Variants in CACNA2D2 observed in about 807,000 individuals in gnomAD.
The protein encoded by CACNA2D2 is calcium voltage-gated channel auxiliary subunit alpha2delta 2, also known as voltage-dependent calcium channel subunit alpha-2/delta-2.
In CACNA2D2, 48 loss-of-function variants were observed where a neutral mutation model predicts 166.4. The observed-to-expected ratio is 0.29, with a 90% CI of 0.23 to 0.37. The LOEUF is 0.37. Among genes scored for constraint, CACNA2D2 ranks in the 10% least tolerant of loss-of-function variants. The pLI is 1.00. For synonymous variants in CACNA2D2, 561 were observed against 573.7 expected, an observed-to-expected ratio of 0.98 and a Z score of 0.32; for missense variants, 1,122 against 1,433.0, an observed-to-expected ratio of 0.78 and a Z score of 3.50.
chr3:50,425,547 C>A (rs1707768146), intron 3 of CACNA2D2, among the ~76,000 whole-genome samples: 1 of 152,156 alleles, frequency 6.6e-6, no homozygotes, highest in Non-Finnish European at 1.5e-5. Context: ...ATGCACCTAC[C>A]CTCCCCCAGC....
chr3:50,448,781 C>T (rs1708976420), intron 2 of CACNA2D2, among the ~76,000 whole-genome samples: 1 of 152,086 alleles, frequency 6.6e-6, no homozygotes, highest in African/African-American at 2.4e-5. Context: ...GGACTAGAGC[C>T]CTGCACTGGT....
intron 3 of CACNA2D2, among the ~76,000 whole-genome samples, chr3:50,408,126 A>T (rs1231331624): frequency 6.6e-6 from 1 of 152,228 alleles, no homozygotes; most frequent in East Asian, 1.9e-4. Context: ...AGGCTCAGAG[A>T]GGGTGACTCA....
intron 2 of CACNA2D2, among the ~76,000 whole-genome samples, chr3:50,459,648 A>G (rs1411459238): frequency 6.6e-6 from 1 of 152,194 alleles, no homozygotes; most frequent in African/African-American, 2.4e-5. Context: ...GCGAACTCAG[A>G]AAAGCTTCGA....
At chr3:50,377,868 A>G (rs781042351) in intron 15 of CACNA2D2, 65 bp from the exon 16 acceptor site, 1 of 1,514,280 alleles carries the variant, frequency 6.6e-7, no homozygotes, top group Non-Finnish European at 9.1e-7. Context: ...GAGTGTTCAG[A>G]GCAGGGACTG....
chr3:50,487,162 C>A (rs1039638082), intron 1 of CACNA2D2, among the ~76,000 whole-genome samples: 3 of 151,604 alleles, frequency 2.0e-5, no homozygotes, highest in Middle Eastern at 3.4e-3. Context: ...ATGGCCCTGT[C>A]CCCTAGGCTG....
intron 2 of CACNA2D2, among the ~76,000 whole-genome samples, chr3:50,457,227 G>A (rs1709399823): frequency 6.6e-6 from 1 of 152,102 alleles, no homozygotes; most frequent in Non-Finnish European, 1.5e-5. Flanking sequence ...TCCAGCCTGG[G>A]TGACAGAGTA....
intron 1 of CACNA2D2, among the ~76,000 whole-genome samples, chr3:50,484,865 C>T (rs549953905): frequency 2.8e-4 from 42 of 152,350 alleles, no homozygotes; most frequent in Non-Finnish European, 4.9e-4. Context: ...ACGTCCCAGC[C>T]CTCCTGTCCA....
At chr3:50,425,318 T>G (rs776094268) in intron 3 of CACNA2D2, among the ~76,000 whole-genome samples, 12 of 152,182 alleles carry the variant, frequency 7.9e-5, no homozygotes, top group Non-Finnish European at 1.5e-4. Flanking sequence ...CTGGGAACTC[T>G]ACTAAGATGC....
intron 3 of CACNA2D2, among the ~76,000 whole-genome samples, chr3:50,407,044 C>G (rs1706745484): frequency 6.6e-6 from 1 of 151,826 alleles, no homozygotes; most frequent in African/African-American, 2.4e-5. Context: ...GTACCTTGAC[C>G]TAGGTGCTTG....
At chr3:50,438,197 T>C (rs2106908298) in intron 2 of CACNA2D2, among the ~76,000 whole-genome samples, 1 of 152,324 alleles carries the variant, frequency 6.6e-6, no homozygotes, top group Admixed American at 6.5e-5. Flanking sequence ...TTGGAGCCCC[T>C]TGTTCCCAGG....
At chr3:50,370,201 G>A in intron 23 of CACNA2D2, 119 bp downstream of exon 23, 1 of 724,758 alleles carries the variant, frequency 1.4e-6, no homozygotes, top group East Asian at 2.7e-5. Context: ...ATGTATGGGG[G>A]CCGGGGGATG....
chr3:50,373,209 G>T, intron 22 of CACNA2D2: 1 of 799,294 alleles, frequency 1.3e-6, no homozygotes. Context: ...CTGTTTGAAT[G>T]AAAATATTGT....
At position 50,366,619 on chromosome 3, in the gene CACNA2D2, G is replaced by A. The variant is rs1311485158; in HGVS notation, c.2596C>T (p.Pro866Ser). 6.2e-7 allele frequency: 1 copy of A among 1,613,900 alleles called. No individual in the cohort carries two copies. Among genetic ancestry groups the A allele is most frequent in the African/African-American group, 1.3e-5 (1 of 75,030 alleles). Residue 866 changes from proline to serine, a missense_variant, in exon 30 of 38, where the codon CCC (proline) becomes TCC (serine). Physicochemically the swap from Pro to Ser is moderately conservative, Grantham distance 74. Coordinates refer to ENST00000424201, the MANE Select transcript of CACNA2D2 (RefSeq NM_006030.4). The surrounding 1 kb of genome is among the most constrained non-coding windows in gnomAD (Gnocchi z 5.9). ...CAGTCCATCTCACAGTGGCTGTTGG[G>A]GCCGCACTGCTGGGCAGAGAGTGAG... ...THQDQPQKCG[P>S]NSHCEMDCEV... is the part of the protein sequence containing the mutation.
chr3:50,381,790 A>G (rs912515903), intron 6 of CACNA2D2, among the ~76,000 whole-genome samples: 22 of 151,842 alleles, frequency 1.4e-4, no homozygotes, highest in African/African-American at 4.6e-4. Flanking sequence ...GCCAGATGGA[A>G]CCCACCTGCC....
chr3:50,491,639 C>G (rs544414066), intron 1 of CACNA2D2, among the ~76,000 whole-genome samples: 1 of 152,192 alleles, frequency 6.6e-6, no homozygotes, highest in African/African-American at 2.4e-5. Flanking sequence ...TCTGTGAGAA[C>G]AGGCGACAGC....
chr3:50,383,043 G>A (rs1705409570), intron 6 of CACNA2D2, among the ~76,000 whole-genome samples: 1 of 152,250 alleles, frequency 6.6e-6, no homozygotes, highest in Non-Finnish European at 1.5e-5. Context: ...CCCTTAGGCA[G>A]GTGATTACAG....
At chr3:50,441,466 TC>T (rs2106920706) in intron 2 of CACNA2D2, among the ~76,000 whole-genome samples, 1 of 152,152 alleles carries the variant, frequency 6.6e-6, no homozygotes, top group African/African-American at 2.4e-5. Context: ...CTCTTGTTTT[TC>T]AAAAGACACA....
intron 3 of CACNA2D2, among the ~76,000 whole-genome samples, chr3:50,430,423 C>T (rs1175612934): frequency 6.6e-6 from 1 of 152,226 alleles, no homozygotes; most frequent in African/African-American, 2.4e-5. Context: ...GTGGTCTTTA[C>T]AAGTTGACGC....
At chr3:50,491,940 G>A (rs1042977076) in intron 1 of CACNA2D2, among the ~76,000 whole-genome samples, 6 of 152,350 alleles carry the variant, frequency 3.9e-5, no homozygotes, top group Admixed American at 2.6e-4. Flanking sequence ...GATTGGTGCA[G>A]GGAACAGAGC....
Sources: allele counts gnomAD v4.1 joint callset (sites outside exome capture counted in the v4.1 genomes callset), GRCh38; gene constraint gnomAD v4.1.1; non-coding constraint Gnocchi (gnomAD v3.1); transcripts MANE v1.5; gene names NCBI Gene and HGNC (gene_info 2026-07-23, HGNC 2026-07-21).